Variants in MICAL2 observed in about 807,000 individuals in gnomAD.
MICAL2 encodes the protein microtubule associated monooxygenase, calponin and LIM domain containing 2.
MICAL2 carries 77 observed loss-of-function variants against 127.3 expected under a neutral mutation model. The ratio of observed to expected loss-of-function variants is 0.60; its 90% CI spans 0.50 to 0.73. The LOEUF is 0.73. MICAL2 is among the 30% of genes least tolerant of loss of function. The pLI is 0.00. For synonymous variants in MICAL2, 570 were observed against 551.1 expected (o/e 1.03, Z -0.48); for missense variants, 1,351 against 1,434.4 (o/e 0.94, Z 0.94).
At chr11:12,114,324 A>G (rs1849829090) in intron 1 of MICAL2, among the ~76,000 whole-genome samples, 1 of 152,222 alleles carries the variant, frequency 6.6e-6, no homozygotes, top group South Asian at 2.1e-4. Flanking sequence ...TCACTACTGC[A>G]CGTAACAGAA....
chr11:12,233,138 A>G (rs997811955), intron 15 of MICAL2, among the ~76,000 whole-genome samples: 1 of 152,152 alleles, frequency 6.6e-6, no homozygotes, highest in Non-Finnish European at 1.5e-5. Context: ...ATGAGGGGAG[A>G]CTACTGTCTA....
At chr11:12,185,975 A>G (rs937273737) in intron 3 of MICAL2, among the ~76,000 whole-genome samples, 1 of 152,260 alleles carries the variant, frequency 6.6e-6, no homozygotes, top group Non-Finnish European at 1.5e-5. Context: ...CAAAGGAGTC[A>G]TGGAACTAGA....
At chr11:12,262,743 T>A (rs1316004366) in intron 27 of MICAL2, 2 of 554,920 alleles carry the variant, frequency 3.6e-6, no homozygotes, top group Non-Finnish European at 6.4e-6. Flanking sequence ...CCCATGGAGC[T>A]GGCAGCCTGG....
chr11:12,111,108 A>T lies in MICAL2; in HGVS notation c.-149+382A>T, dbSNP rs186103101. ...GTCACCTGGCAGAAGACCATCCCCA[A>T]ACTTCCCAGGATTGGGGCTCCGAGC... On this transcript the variant is annotated intron_variant, in intron 1 of 27. Transcript: ENST00000683283. 5.8e-3 allele frequency among the ~76,000 whole-genome samples: 877 copies of T among 152,212 alleles called. 9 individuals are homozygous for T. Among genetic ancestry groups the T allele is most frequent in the African/African-American group, 0.02 (833 of 41,552 alleles).
intron 9 of MICAL2, 122 bp from the exon 10 acceptor site, chr11:12,221,522 G>C: frequency 1.6e-6 from 1 of 628,590 alleles, no homozygotes; most frequent in Non-Finnish European, 2.8e-6. Flanking sequence ...TCCCTGCCCT[G>C]TCACCTCTCT....
chr11:12,137,077 C>T (rs1023469046), intron 1 of MICAL2, among the ~76,000 whole-genome samples: 4 of 152,224 alleles, frequency 2.6e-5, no homozygotes, highest in Admixed American at 6.5e-5. Flanking sequence ...GGCCTCTAGC[C>T]GCTTTGACTT....
chr11:12,319,656 G>T, intron 29 of MICAL2: 6 of 1,432,636 alleles, frequency 4.2e-6, no homozygotes, highest in Non-Finnish European at 5.9e-6. Context: ...AGCAGGAAAT[G>T]AAGCTAGCAG....
At chr11:12,112,324 T>C (rs987322452) in intron 1 of MICAL2, among the ~76,000 whole-genome samples, 3 of 152,176 alleles carry the variant, frequency 2.0e-5, no homozygotes, top group African/African-American at 7.2e-5. Context: ...GTTAGCCAAG[T>C]TGTTCAACCT....
Position 12,287,171 on chromosome 11 carries a change from C to A in MICAL2, c.341C>A (p.Ser114Ter). The change falls in exon 3 of 3, where the codon TCA (serine) becomes TAA (stop). Residue 114 changes from serine to a stop codon, truncating the protein, a stop_gained. Transcript: ENST00000529028. LOFTEE classifies it low-confidence loss of function (END_TRUNC). ...AGGAGAGAATTCTGGTGGAGTGAGTCACTAGCTCTCTGGGGGTGGGAGGCT... is the reference window on the plus strand; with the variant it reads ...AGGAGAGAATTCTGGTGGAGTGAGTAACTAGCTCTCTGGGGGTGGGAGGCT... 2.5e-6 allele frequency: 1 copy of A among 398,984 alleles called. No homozygotes were observed. Among genetic ancestry groups the A allele is most frequent in the South Asian group, 1.3e-4 (1 of 7,844 alleles). The allele number at this position is 398,984 out of a possible 1,614,324, so 24.7% of individuals were successfully genotyped here. A position where few individuals can be genotyped will look rare whatever the true frequency, so the allele number is the denominator to read the frequency against.
intron 1 of MICAL2, among the ~76,000 whole-genome samples, chr11:12,279,179 T>C (rs1275990981): frequency 1.3e-5 from 2 of 152,076 alleles, no homozygotes; most frequent in African/African-American, 4.8e-5. Flanking sequence ...GAAGAAAGTG[T>C]CTCAAGAGGG....
intron 19 of MICAL2, 71 bp from the exon 20 acceptor site, chr11:12,242,600 T>G: frequency 6.6e-7 from 1 of 1,507,722 alleles, no homozygotes; most frequent in Non-Finnish European, 9.2e-7. Context: ...CTCACCCACT[T>G]CTTGGAAGCC....
At chr11:12,182,148 G>A (rs1182848141) in intron 3 of MICAL2, among the ~76,000 whole-genome samples, 2 of 152,186 alleles carry the variant, frequency 1.3e-5, no homozygotes, top group Admixed American at 6.5e-5. Context: ...TATTAGCTAT[G>A]CTAGATCTGT....
intron 32 of MICAL2, among the ~76,000 whole-genome samples, chr11:12,332,280 A>T (rs1187915514): frequency 6.6e-6 from 1 of 152,236 alleles, no homozygotes; most frequent in Admixed American, 6.5e-5. Flanking sequence ...ATCCATCATT[A>T]GACATGGCTG....
intron 1 of MICAL2, among the ~76,000 whole-genome samples, chr11:12,133,023 T>C (rs1851548832): frequency 6.6e-6 from 1 of 152,178 alleles, no homozygotes; most frequent in Non-Finnish European, 1.5e-5. Context: ...GTTGTCAGCA[T>C]ATTTTGGTTC....
chr11:12,117,223 G>A (rs1056659475), intron 1 of MICAL2, among the ~76,000 whole-genome samples: 2 of 152,212 alleles, frequency 1.3e-5, no homozygotes, highest in African/African-American at 4.8e-5. Context: ...TAGTGCAGAT[G>A]TTCTTTCTGC....
At chr11:12,218,590 C>T (rs989637885) in intron 8 of MICAL2, among the ~76,000 whole-genome samples, 4 of 152,184 alleles carry the variant, frequency 2.6e-5, no homozygotes, top group African/African-American at 9.7e-5. Context: ...CCCCATCTCA[C>T]CTCCACGCCT....
intron 8 of MICAL2, among the ~76,000 whole-genome samples, chr11:12,218,552 G>A (rs367827057): frequency 6.6e-6 from 1 of 152,202 alleles, no homozygotes. Context: ...TGAAGGGGGG[G>A]TGTTTGAGAC....
intron 32 of MICAL2, among the ~76,000 whole-genome samples, chr11:12,330,029 C>T (rs973990123): frequency 5.3e-5 from 8 of 152,056 alleles, no homozygotes; most frequent in African/African-American, 1.9e-4. Flanking sequence ...AGTTTATGGG[C>T]CTTTTTCCCA....
intron 1 of MICAL2, among the ~76,000 whole-genome samples, chr11:12,277,741 G>A (rs941106060): frequency 3.3e-5 from 5 of 152,150 alleles, no homozygotes; most frequent in African/African-American, 9.7e-5. Flanking sequence ...GTCATGCATC[G>A]CTTAATAGCC....
Sources: gnomAD v4.1 joint callset for allele counts (sites outside exome capture counted in the v4.1 genomes callset) on GRCh38, gnomAD v4.1.1 for gene constraint, MANE v1.5 for transcripts, NCBI Gene and HGNC (gene_info 2026-07-23, HGNC 2026-07-21) for gene names.